Variants in FAAH2 observed in about 807,000 individuals in gnomAD.
FAAH2 encodes the protein fatty acid amide hydrolase 2.
In FAAH2, 60 loss-of-function variants were observed where a neutral mutation model predicts 36.9. That is an observed-to-expected ratio of 1.63 (90% CI 1.32 to 2.02). FAAH2 has a LOEUF of 2.02. Among genes scored for constraint, FAAH2 ranks in the 30% most tolerant of loss-of-function variants. The pLI is 0.00. For synonymous variants in FAAH2, 214 were observed against 143.8 expected (o/e 1.49, Z -3.49); for missense variants, 689 against 397.5 (o/e 1.73, Z -6.23).
chrX:57,211,720 C>G, the FAAH2 span, among the ~76,000 whole-genome samples: 1 of 111,697 alleles, frequency 9.0e-6, no homozygotes, highest in Non-Finnish European at 1.9e-5. Flanking sequence ...AACCATGCCA[C>G]CCTGGCTACT....
chrX:57,276,683 C>T, the FAAH2 span, among the ~76,000 whole-genome samples: 2 of 110,595 alleles, frequency 1.8e-5, no homozygotes, highest in East Asian at 2.8e-4. Flanking sequence ...GCTAGCAAGA[C>T]TAATATAGAA....
chrX:57,438,949 G>A (rs1226075780), intron 8 of FAAH2, among the ~76,000 whole-genome samples: 11 of 110,588 alleles, frequency 9.9e-5, no homozygotes, highest in African/African-American at 3.6e-4. Context: ...TTTTATGGCT[G>A]CATAGTATTC....
At chrX:57,468,056 A>G (rs1252946847) in intron 10 of FAAH2, among the ~76,000 whole-genome samples, 1 of 112,063 alleles carries the variant, frequency 8.9e-6, no homozygotes, top group Admixed American at 9.5e-5. Context: ...TAGAAGGAAA[A>G]CTAACAAAAA....
intron 7 of FAAH2, among the ~76,000 whole-genome samples, chrX:57,414,749 T>A (rs2055794551): frequency 9.0e-6 from 1 of 110,995 alleles, no homozygotes; most frequent in African/African-American, 3.3e-5. Flanking sequence ...TTAGGGCGGA[T>A]TCCCTCTGTT....
the FAAH2 span, among the ~76,000 whole-genome samples, chrX:57,243,128 A>T: frequency 8.9e-6 from 1 of 111,761 alleles, no homozygotes; most frequent in Non-Finnish European, 1.9e-5. Context: ...GCATAAACAA[A>T]GCTGCCAGGA....
chrX:57,485,474 A>T (rs989031906), intron 10 of FAAH2, among the ~76,000 whole-genome samples: 1 of 111,632 alleles, frequency 9.0e-6, no homozygotes, highest in African/African-American at 3.3e-5. Flanking sequence ...GCTTCTTTGT[A>T]CTTCAGCTGT....
At chrX:57,457,265 G>T (rs954988089) in intron 10 of FAAH2, among the ~76,000 whole-genome samples, 1 of 111,039 alleles carries the variant, frequency 9.0e-6, no homozygotes, top group African/African-American at 3.3e-5. Context: ...AATGACAAAA[G>T]CCCTCAACAG....
At chrX:57,216,172 C>T in the FAAH2 span, among the ~76,000 whole-genome samples, 46 of 107,049 alleles carry the variant, frequency 4.3e-4, 1 homozygote, top group African/African-American at 1.5e-3. Context: ...TTTTTGGTTA[C>T]ATGAGTAAGT....
chrX:57,293,713 G>A (rs746471289), intron 2 of FAAH2, among the ~76,000 whole-genome samples: 6 of 111,564 alleles, frequency 5.4e-5, no homozygotes, highest in Admixed American at 2.9e-4. Flanking sequence ...GAAGAAGGGG[G>A]TCAGTTGTTG....
intron 7 of FAAH2, among the ~76,000 whole-genome samples, chrX:57,420,843 T>C (rs936870530): frequency 5.4e-5 from 6 of 111,430 alleles, no homozygotes; most frequent in Non-Finnish European, 1.1e-4. Context: ...TTCAGTGTGA[T>C]ATTGGCTATT....
Position 57,431,172 on chromosome X carries a change from C to T in FAAH2, c.997-746C>T, listed in dbSNP as rs139187953. ...CATACTTTTAATATCCATTGTCATA[C>T]GTATTCCCTGGATTTATGTCTATAT... On this transcript the variant is annotated intron_variant, in intron 7 of 10. Coordinates refer to ENST00000374900, the MANE Select transcript of FAAH2 (RefSeq NM_174912.4). 6.9e-3 allele frequency among the ~76,000 whole-genome samples: 773 copies of T among 111,572 alleles called. 6 individuals are homozygous for T. The highest frequency in any genetic ancestry group is 0.01 in the Non-Finnish European group (551 of 53,067).
intron 5 of FAAH2, among the ~76,000 whole-genome samples, chrX:57,351,492 A>G (rs1240304401): frequency 9.0e-6 from 1 of 110,998 alleles, no homozygotes; most frequent in Non-Finnish European, 1.9e-5. Flanking sequence ...CAAATATTAA[A>G]ACAGAGCTAA....
chrX:57,207,575 C>G, the FAAH2 span, among the ~76,000 whole-genome samples: 1 of 112,043 alleles, frequency 8.9e-6, no homozygotes, highest in Non-Finnish European at 1.9e-5. Flanking sequence ...TTTACTTTTC[C>G]CCATTTCCAC....
Position 57,403,581 on chromosome X carries a change from C to T in FAAH2, c.996+22552C>T, listed in dbSNP as rs772025704. Among the ~76,000 whole-genome samples the T allele has an allele frequency of 3.1e-3, 353 of 112,771 alleles. 2 individuals carry two copies. Among genetic ancestry groups the T allele is most frequent in the Admixed American group, 7.1e-3 (76 of 10,697 alleles). On this transcript the variant is annotated intron_variant, in intron 7 of 10. Transcript: ENST00000374900. ...TCATTTCAGAGAGGGTGTGGGTAACCTTTTGAGTCAGGATTGAGATAGAGT... is the reference window on the plus strand; with the variant it reads ...TCATTTCAGAGAGGGTGTGGGTAACTTTTTGAGTCAGGATTGAGATAGAGT...
chrX:57,125,813 A>G, the FAAH2 span, among the ~76,000 whole-genome samples: 1 of 112,288 alleles, frequency 8.9e-6, no homozygotes, highest in African/African-American at 3.2e-5. Context: ...TAGGTTGTAT[A>G]CATTAAATAG....
At chrX:57,419,325 G>A (rs1384278454) in intron 7 of FAAH2, among the ~76,000 whole-genome samples, 1 of 110,691 alleles carries the variant, frequency 9.0e-6, no homozygotes, top group Non-Finnish European at 1.9e-5. Context: ...CTAGTTTACA[G>A]TCCCACCAAC....
intron 4 of FAAH2, among the ~76,000 whole-genome samples, chrX:57,338,075 C>T (rs764612620): frequency 8.9e-6 from 1 of 111,902 alleles, no homozygotes; most frequent in East Asian, 2.8e-4. Context: ...CATGAACGTC[C>T]GTGTGAAGAG....
intron 5 of FAAH2, among the ~76,000 whole-genome samples, chrX:57,364,177 G>A (rs751264342): frequency 8.3e-5 from 9 of 108,955 alleles, no homozygotes; most frequent in Non-Finnish European, 1.5e-4. Context: ...CTATGAATCC[G>A]TTTGGTGCAG....
intron 8 of FAAH2, among the ~76,000 whole-genome samples, chrX:57,438,192 GATATCT>G (rs1008175705): frequency 1.9e-5 from 2 of 103,654 alleles, no homozygotes; most frequent in Admixed American, 2.2e-4. Flanking sequence ...TAGTTTTACT[GATATCT>G]ATATCTATAT....
Sources: allele counts gnomAD v4.1 joint callset (sites outside exome capture counted in the v4.1 genomes callset), GRCh38; gene constraint gnomAD v4.1.1; transcripts MANE v1.5; gene names NCBI Gene and HGNC (gene_info 2026-07-23, HGNC 2026-07-21).